KANSL3: variants seen among roughly 807,000 people sequenced by gnomAD.
The protein encoded by KANSL3 is NSL complex protein NSL3.
Under a neutral mutation model 89.2 loss-of-function variants are expected in KANSL3, and 16 were observed. That is an observed-to-expected ratio of 0.18 (90% CI 0.12 to 0.27). The LOEUF is 0.27. Among genes scored for constraint, KANSL3 ranks in the 10% least tolerant of loss-of-function variants. The pLI, the probability that KANSL3 is intolerant of heterozygous loss-of-function variation, is 1.00. For missense variants in KANSL3, 879 were observed against 1,110.6 expected (o/e 0.79, Z 2.96); for synonymous variants, 385 against 419.7 (o/e 0.92, Z 1.01).
rs113974830 is a variant in KANSL3, at chr2:96,599,304, T to C, written c.2616+2339A>G. Among the ~76,000 whole-genome samples, 19 of 152,278 alleles carry C rather than the reference T, an allele frequency of 1.2e-4. 2 individuals are homozygous for C. Among genetic ancestry groups the C allele is most frequent in the African/African-American group, 4.6e-4 (19 of 41,568 alleles). ...AGAAAACACAAAGAGAGAGTTTCAATATGGGATGACAGAAAAGTTCTGGAG... is the reference window on the plus strand; with the variant it reads ...AGAAAACACAAAGAGAGAGTTTCAACATGGGATGACAGAAAAGTTCTGGAG... On this transcript the variant is annotated intron_variant, in intron 20 of 20. Coordinates refer to ENST00000431828, the MANE Select transcript of KANSL3 (RefSeq NM_001115016.3).
In KANSL3 at chr2:96,605,445, T is replaced by C. The variant is rs1351108996; in HGVS notation, c.1808A>G (p.His603Arg). 1 of 1,613,858 alleles carries C rather than the reference T, an allele frequency of 6.2e-7. No homozygotes were observed. The highest frequency in any genetic ancestry group is 8.5e-7 in the Non-Finnish European group (1 of 1,179,874). Residue 603 changes from histidine (H) to arginine (R), a missense_variant, in exon 15 of 21, where the codon CAC becomes CGC. This residue lies in a region of KANSL3 where 317 missense variants were observed against 311.2 expected (regional missense o/e 1.02). Coordinates refer to ENST00000431828, the MANE Select transcript of KANSL3 (RefSeq NM_001115016.3). The part of the protein sequence containing the change: ...KEDLRVQLKR[H>R]HPSSPLPGSK... Reference sequence around the variant, plus strand: ...GCCAGGAAGGGGACTCGAGGGATGGTGTCGCTTCAGCTGAACCCTAAGATC... The same window carrying C: ...GCCAGGAAGGGGACTCGAGGGATGGCGTCGCTTCAGCTGAACCCTAAGATC...
intron 17 of KANSL3, chr2:96,603,652 T>C (rs2067521790): frequency 6.6e-6 from 1 of 152,386 alleles, no homozygotes; most frequent in Non-Finnish European, 1.5e-5. Context: ...GTAGGGTTAG[T>C]GGGTAGGACA....
Position 96,602,869 on chromosome 2 carries a change from G to A in KANSL3, c.2150-7C>T. ...CTGCTGGCTGATGTGGCCCCTAAGAGAGGACATAGCAGGAATCAGTAGAGA... is the reference window on the plus strand; with the variant it reads ...CTGCTGGCTGATGTGGCCCCTAAGAAAGGACATAGCAGGAATCAGTAGAGA... On this transcript the variant is annotated splice_polypyrimidine_tract_variant and splice_region_variant and intron_variant, in intron 17 of 20. Transcript: ENST00000431828. 6.2e-7 allele frequency: 1 copy of A among 1,613,368 alleles called. No individual in the cohort carries two copies. The highest frequency in any genetic ancestry group is 8.5e-7 in the Non-Finnish European group (1 of 1,179,436).
At chr2:96,625,095 A>C (rs953838226) in intron 3 of KANSL3, among the ~76,000 whole-genome samples, 1 of 152,108 alleles carries the variant, frequency 6.6e-6, no homozygotes, top group Non-Finnish European at 1.5e-5. Context: ...CTGTAACCCC[A>C]GCTACTCGGG....
intron 2 of KANSL3, among the ~76,000 whole-genome samples, chr2:96,636,447 A>C (rs1213544036): frequency 6.6e-6 from 1 of 152,234 alleles, no homozygotes; most frequent in East Asian, 1.9e-4. Context: ...AGGGAAGAGA[A>C]AAAGCAACGT....
In KANSL3 at chr2:96,594,006, G is replaced by A. The variant is rs2066374099; in HGVS notation, c.*1605C>T. 6.6e-6 allele frequency: 1 copy of A among 152,196 alleles called. No individual in the cohort carries two copies. The highest frequency in any genetic ancestry group is 1.5e-5 in the Non-Finnish European group (1 of 68,070). The allele number at this position is 152,196 out of a possible 1,614,324, so 9.4% of individuals were successfully genotyped here. The stretch of plus-strand genomic sequence containing the variant: ...TGAGATCAGCTTTTCAGGTCAGGGA[G>A]GGAAGGTATGGGGTTTAGGGTACCC... On this transcript the variant is annotated 3_prime_UTR_variant, in exon 21 of 21. Coordinates refer to ENST00000431828, the MANE Select transcript of KANSL3 (RefSeq NM_001115016.3).
Position 96,610,785 on chromosome 2 carries a change from C to T in KANSL3, c.1260G>A (p.Arg420=), listed in dbSNP as rs1191485724. Residue 420 remains arginine (R), a synonymous_variant, in exon 11 of 21, where the codon CGG becomes CGA. Transcript: ENST00000431828. ...AGCTGTTCTCAGCTCGAATCTTCTC[C>T]CGGAAGTCCTCCATGGCTTCAGGGT... ...QCHPEAMEDF[R]EKIRAENSLV... 7.4e-6 allele frequency: 12 copies of T among 1,614,020 alleles called. No individual in the cohort carries two copies. In the South Asian group the frequency reaches 1.3e-4, roughly 18 times the overall value.
At chr2:96,638,032 T>A (rs1414522792) in intron 1 of KANSL3, 1 of 152,354 alleles carries the variant, frequency 6.6e-6, no homozygotes, top group Non-Finnish European at 1.5e-5. Context: ...AGGAGCCGCC[T>A]GGCCCCCGCC....
chr2:96,591,187 C>T (rs760785212), downstream of KANSL3, among the ~76,000 whole-genome samples: 1 of 152,136 alleles, frequency 6.6e-6, no homozygotes, highest in Non-Finnish European at 1.5e-5. Context: ...CTCATATACA[C>T]GTAACAACTT....
At chr2:96,617,297 C>CG (rs2105729110) in intron 5 of KANSL3, among the ~76,000 whole-genome samples, 1 of 152,226 alleles carries the variant, frequency 6.6e-6, no homozygotes, top group East Asian at 1.9e-4. Flanking sequence ...ACCTGACACA[C>CG]GTAGGGCCCA....
intron 6 of KANSL3, 92 bp downstream of exon 6, chr2:96,613,396 T>C (rs2069371921): frequency 1.0e-6 from 1 of 996,598 alleles, no homozygotes; most frequent in Non-Finnish European, 1.5e-6. Context: ...TAATAAATAG[T>C]TAAAGAAGCC....
intron 5 of KANSL3, among the ~76,000 whole-genome samples, chr2:96,619,158 T>G (rs536180092): frequency 6.6e-6 from 1 of 152,258 alleles, no homozygotes; most frequent in South Asian, 2.1e-4. Flanking sequence ...TACCTCATCC[T>G]GGAGCCAGCA....
the KANSL3 span, among the ~76,000 whole-genome samples, chr2:96,580,657 T>C: frequency 6.6e-6 from 1 of 152,250 alleles, no homozygotes; most frequent in Non-Finnish European, 1.5e-5. Flanking sequence ...AAATTCATTA[T>C]ACTGTATAGT....
downstream of KANSL3, among the ~76,000 whole-genome samples, chr2:96,592,282 G>A (rs2066290037): frequency 6.6e-6 from 1 of 152,138 alleles, no homozygotes; most frequent in Non-Finnish European, 1.5e-5. Flanking sequence ...TGGAATTTAG[G>A]GGTTAGAAGG....
the KANSL3 span, among the ~76,000 whole-genome samples, chr2:96,584,120 T>C: frequency 6.6e-6 from 1 of 152,230 alleles, no homozygotes; most frequent in African/African-American, 2.4e-5. Context: ...GTCAAATACA[T>C]ATTACAAACA....
At chr2:96,613,449 T>G in intron 6 of KANSL3, 39 bp downstream of exon 6, 2 of 1,559,022 alleles carry the variant, frequency 1.3e-6, no homozygotes, top group Non-Finnish European at 1.7e-6. Context: ...GTCTAAAATT[T>G]TTATGTACCA....
chr2:96,600,814 T>A, intron 20 of KANSL3: 1 of 985,370 alleles, frequency 1.0e-6, no homozygotes, highest in Non-Finnish European at 1.2e-6. Context: ...TATAAAAACC[T>A]AGCTGTGCCC....
the KANSL3 span, among the ~76,000 whole-genome samples, chr2:96,588,125 G>T: frequency 6.6e-6 from 1 of 151,832 alleles, no homozygotes; most frequent in East Asian, 1.9e-4. Flanking sequence ...TGGTAAAAAG[G>T]CTTAAGCCTA....
intron 5 of KANSL3, among the ~76,000 whole-genome samples, chr2:96,617,719 A>G (rs940176267): frequency 2.0e-5 from 3 of 151,936 alleles, no homozygotes; most frequent in Non-Finnish European, 4.4e-5. Context: ...TGGGTGTGGC[A>G]GGGCACGGCA....
Sources: gnomAD v4.1 joint callset for allele counts (sites outside exome capture counted in the v4.1 genomes callset) on GRCh38, gnomAD v4.1.1 for gene constraint, gnomAD v4.1.1 regional missense constraint, MANE v1.5 for transcripts, NCBI Gene and HGNC (gene_info 2026-07-23, HGNC 2026-07-21) for gene names.